USH2A: variants seen among roughly 807,000 people sequenced by gnomAD.
USH2A encodes the protein usherin.
A neutral mutation model predicts 538.9 loss-of-function variants in USH2A; 443 were observed. The observed-to-expected ratio is 0.82, with a 90% confidence interval of 0.76 to 0.89. The LOEUF (loss-of-function observed/expected upper bound fraction) is 0.89. Among genes scored for constraint, USH2A ranks in the 40% least tolerant of loss-of-function variants. The pLI, the probability that USH2A is intolerant of heterozygous loss-of-function variation, is 0.00. For synonymous variants in USH2A, 2,413 were observed against 2,273.5 expected, an observed-to-expected ratio of 1.06 and a Z score of -1.75; for missense variants, 6,633 against 6,324.8, an observed-to-expected ratio of 1.05 and a Z score of -1.65.
At chr1:216,241,166 G>A (rs188799986) in intron 13 of USH2A, among the ~76,000 whole-genome samples, 113 of 152,250 alleles carry the variant, frequency 7.4e-4, no homozygotes, top group Admixed American at 2.1e-3. Context: ...AGCAGGAGGT[G>A]AAAGGAGCTA....
chr1:216,402,220 G>C (rs761040704), intron 3 of USH2A, among the ~76,000 whole-genome samples: 12 of 152,030 alleles, frequency 7.9e-5, no homozygotes, highest in Non-Finnish European at 1.6e-4. Context: ...TTCTCTGATT[G>C]AAAATGATTC....
intron 38 of USH2A, among the ~76,000 whole-genome samples, chr1:215,908,952 G>T (rs1288154283): frequency 6.7e-6 from 1 of 149,686 alleles, no homozygotes; most frequent in Non-Finnish European, 1.5e-5. Context: ...ATCAAAATGA[G>T]TATTTTATAT....
chr1:216,321,861 C>A, intron 9 of USH2A, 22 bp downstream of exon 9: 7 of 1,598,154 alleles, frequency 4.4e-6, no homozygotes, highest in Non-Finnish European at 6.0e-6. Context: ...TTTTAGATTT[C>A]CATGCATAAA....
intron 21 of USH2A, among the ~76,000 whole-genome samples, chr1:216,160,365 T>A (rs1374489667): frequency 1.3e-5 from 2 of 152,146 alleles, no homozygotes; most frequent in East Asian, 3.8e-4. Flanking sequence ...TAGATAAAAA[T>A]AATTTTTAAT....
At chr1:216,165,494 G>A (rs1424042164) in intron 21 of USH2A, among the ~76,000 whole-genome samples, 1 of 152,098 alleles carries the variant, frequency 6.6e-6, no homozygotes, top group African/African-American at 2.4e-5. Flanking sequence ...AGTTTAAAAT[G>A]TATTTTCTTA....
chr1:215,824,903 G>A (rs547238085), intron 47 of USH2A, among the ~76,000 whole-genome samples: 6 of 152,232 alleles, frequency 3.9e-5, no homozygotes, highest in Admixed American at 2.0e-4. Context: ...CCATCTGCTC[G>A]GAGATTTTCA....
intron 3 of USH2A, among the ~76,000 whole-genome samples, chr1:216,372,833 T>A (rs925667419): frequency 6.6e-6 from 1 of 152,192 alleles, no homozygotes; most frequent in Admixed American, 6.5e-5. Context: ...TTCATCACAA[T>A]ATTAGATACT....
At chr1:215,837,286 C>T (rs1663559039) in intron 47 of USH2A, among the ~76,000 whole-genome samples, 1 of 151,794 alleles carries the variant, frequency 6.6e-6, no homozygotes, top group Non-Finnish European at 1.5e-5. Flanking sequence ...GTTGTTTGCA[C>T]ATGTAAGAGA....
chr1:215,996,395 A>G (rs1668138034), intron 34 of USH2A, among the ~76,000 whole-genome samples: 1 of 152,170 alleles, frequency 6.6e-6, no homozygotes, highest in Non-Finnish European at 1.5e-5. Flanking sequence ...ATCAAGTTAC[A>G]AATGGCTAGC....
intron 30 of USH2A, among the ~76,000 whole-genome samples, chr1:216,050,604 C>CTTTCTTTCTTTCTTTCTTTCTTTCTT (rs1195871302): frequency 2.9e-5 from 2 of 68,564 alleles, no homozygotes; most frequent in African/African-American, 1.1e-4. Flanking sequence ...TTCTTTCTTT[C>CTTTCTTTCTTTCTTTCTTTCTTTCTT]TTTTTTTTTT....
chr1:215,733,703 G>T (rs184727178), intron 60 of USH2A, among the ~76,000 whole-genome samples: 4 of 152,284 alleles, frequency 2.6e-5, no homozygotes, highest in Admixed American at 6.5e-5. Context: ...GGGCCTATAG[G>T]GCCCACACAA....
chr1:216,325,744 T>C, intron 5 of USH2A, 145 bp from the exon 6 acceptor site: 2 of 802,734 alleles, frequency 2.5e-6, no homozygotes, highest in East Asian at 2.7e-5. Flanking sequence ...AAACATAAAA[T>C]AAAACTTATT....
At chr1:215,749,843 G>T (rs76215556) in intron 58 of USH2A, among the ~76,000 whole-genome samples, 2 of 152,206 alleles carry the variant, frequency 1.3e-5, no homozygotes, top group South Asian at 2.1e-4. Flanking sequence ...CAAGGATTTC[G>T]TTGGTTAATA....
chr1:215,889,096 A>G, intron 40 of USH2A, 42 bp from the exon 41 acceptor site: 1 of 1,607,088 alleles, frequency 6.2e-7, no homozygotes, highest in Non-Finnish European at 8.5e-7. Context: ...CCTCTTGGAA[A>G]TGTCCCACCT....
At chr1:215,751,857 T>A (rs1013363551) in intron 58 of USH2A, among the ~76,000 whole-genome samples, 2 of 152,154 alleles carry the variant, frequency 1.3e-5, no homozygotes, top group African/African-American at 2.4e-5. Context: ...AGGTAGGCAT[T>A]TAATTTCTCC....
At chr1:215,626,724 C>T (rs74141281) in intron 71 of USH2A, among the ~76,000 whole-genome samples, 375 of 152,112 alleles carry the variant, frequency 2.5e-3, no homozygotes, top group African/African-American at 8.6e-3. Context: ...TTTTAAGAAC[C>T]CAAACCCATA....
chr1:216,184,996 AT>A (rs2034570051), intron 20 of USH2A, among the ~76,000 whole-genome samples: 1 of 152,000 alleles, frequency 6.6e-6, no homozygotes, highest in South Asian at 2.1e-4. Flanking sequence ...TCCAAAAGTA[AT>A]TTCTCATAAG....
chr1:216,364,739 A>G (rs1453414383), intron 4 of USH2A, among the ~76,000 whole-genome samples: 1 of 152,154 alleles, frequency 6.6e-6, no homozygotes, highest in Non-Finnish European at 1.5e-5. Flanking sequence ...GAAGGAACCA[A>G]CACCACTGAA....
chr1:215,725,418 G>C (rs1659781441), intron 61 of USH2A, among the ~76,000 whole-genome samples: 1 of 152,194 alleles, frequency 6.6e-6, no homozygotes, highest in South Asian at 2.1e-4. Flanking sequence ...CTTCAAAGGT[G>C]TCAGATCATA....
Sources: allele counts gnomAD v4.1 joint callset (sites outside exome capture counted in the v4.1 genomes callset), GRCh38; gene constraint gnomAD v4.1.1; transcripts MANE v1.5; gene names NCBI Gene and HGNC (gene_info 2026-07-23, HGNC 2026-07-21).